DLG2: variants seen among roughly 807,000 people sequenced by gnomAD.
DLG2 encodes discs large MAGUK scaffold protein 2.
A neutral mutation model predicts 132.5 loss-of-function variants in DLG2; 45 were observed. The ratio of observed to expected loss-of-function variants is 0.34; its 90% CI spans 0.27 to 0.44. The LOEUF is 0.44. DLG2 is among the 20% of genes least tolerant of loss of function. The pLI is 1.00. For missense variants in DLG2, 1,045 were observed against 1,196.9 expected, an observed-to-expected ratio of 0.87 and a Z score of 1.87; for synonymous variants, 424 against 419.6, an observed-to-expected ratio of 1.01 and a Z score of -0.13.
intron 6 of DLG2, among the ~76,000 whole-genome samples, chr11:84,892,408 CA>C (rs34562458): frequency 6.6e-6 from 1 of 150,868 alleles, no homozygotes; most frequent in Admixed American, 6.6e-5. Flanking sequence ...AGCTCTATGG[CA>C]AAAAAAAGGC....
chr11:84,322,072 C>A (rs1195153264), intron 7 of DLG2, among the ~76,000 whole-genome samples: 2 of 152,210 alleles, frequency 1.3e-5, no homozygotes, highest in Non-Finnish European at 2.9e-5. Context: ...CTCTTATTTG[C>A]AACTGCATCC....
rs867557481 is a variant in DLG2, at chr11:84,903,928, T to A, written c.357+207733A>T. On this transcript the variant is annotated intron_variant, in intron 6 of 27. Coordinates refer to ENST00000376104, the MANE Select transcript of DLG2 (RefSeq NM_001142699.3). Reference sequence around the variant, plus strand: ...AAAGTTTTACAGATAAATGAAAAAATTTCCAGTTTTTTCAATAACATGATG... The same window carrying A: ...AAAGTTTTACAGATAAATGAAAAAAATTCCAGTTTTTTCAATAACATGATG... Among the ~76,000 whole-genome samples, 77 of 152,020 alleles carry A rather than the reference T, an allele frequency of 5.1e-4. 1 individual carries two copies. In the Middle Eastern group the frequency reaches 0.017, roughly 34 times the overall value.
chr11:84,199,817 G>T (rs992027375), intron 8 of DLG2, among the ~76,000 whole-genome samples: 1 of 152,004 alleles, frequency 6.6e-6, no homozygotes, highest in African/African-American at 2.4e-5. Context: ...ACAATATCAA[G>T]TGGTCTAACA....
chr11:83,792,921 T>C (rs1250551199), intron 17 of DLG2, among the ~76,000 whole-genome samples: 2 of 152,174 alleles, frequency 1.3e-5, no homozygotes, highest in African/African-American at 4.8e-5. Context: ...TATACGATTT[T>C]CAACTTCCTC....
At chr11:84,318,677 A>G (rs1414013782) in intron 7 of DLG2, among the ~76,000 whole-genome samples, 2 of 152,230 alleles carry the variant, frequency 1.3e-5, no homozygotes, top group East Asian at 3.8e-4. Flanking sequence ...ATGTATCTCC[A>G]TATAAGGGTA....
chr11:84,386,053 G>A (rs2098768695), intron 7 of DLG2, among the ~76,000 whole-genome samples: 1 of 151,970 alleles, frequency 6.6e-6, no homozygotes, highest in African/African-American at 2.4e-5. Flanking sequence ...CCAATTTAGG[G>A]ATTTTTTACA....
intron 6 of DLG2, among the ~76,000 whole-genome samples, chr11:84,642,203 C>G (rs1363545048): frequency 6.7e-6 from 1 of 149,588 alleles, no homozygotes; most frequent in East Asian, 2.0e-4. Flanking sequence ...ATTACCAAAC[C>G]TTACTCCTAA....
chr11:85,497,353 A>G (rs1345600272), intron 3 of DLG2, among the ~76,000 whole-genome samples: 1 of 151,580 alleles, frequency 6.6e-6, no homozygotes, highest in African/African-American at 2.4e-5. Flanking sequence ...ACTCATTGAA[A>G]AAAACAAGGA....
chr11:83,848,152 A>T (rs1293637239), intron 16 of DLG2, among the ~76,000 whole-genome samples: 3 of 138,142 alleles, frequency 2.2e-5, no homozygotes, highest in African/African-American at 8.3e-5. Context: ...TAATCACGGC[A>T]TCTTGTAAGG....
intron 2 of DLG2, among the ~76,000 whole-genome samples, chr11:85,603,694 T>C (rs2080321140): frequency 6.6e-6 from 1 of 152,086 alleles, no homozygotes; most frequent in African/African-American, 2.4e-5. Context: ...GGTGGAAGGA[T>C]GGCTTGAGAC....
intron 6 of DLG2, among the ~76,000 whole-genome samples, chr11:84,939,052 A>G (rs1184020480): frequency 6.6e-6 from 1 of 152,138 alleles, no homozygotes; most frequent in Admixed American, 6.5e-5. Flanking sequence ...AAGATAAAAC[A>G]ATATGATTAT....
intron 18 of DLG2, among the ~76,000 whole-genome samples, chr11:83,715,580 A>AT (rs1205858075): frequency 1.3e-5 from 2 of 152,072 alleles, no homozygotes; most frequent in African/African-American, 2.4e-5. Flanking sequence ...GAGAGATGTG[A>AT]TTTTTTTCTA....
At chr11:85,033,663 T>G (rs919091173) in intron 6 of DLG2, among the ~76,000 whole-genome samples, 1 of 152,214 alleles carries the variant, frequency 6.6e-6, no homozygotes, top group Non-Finnish European at 1.5e-5. Flanking sequence ...TCATAATTGT[T>G]TGACCTTGGC....
intron 5 of DLG2, among the ~76,000 whole-genome samples, chr11:85,135,122 G>T (rs746296114): frequency 1.3e-5 from 2 of 152,114 alleles, no homozygotes; most frequent in Non-Finnish European, 2.9e-5. Context: ...ATGTACCAGC[G>T]TGTTTCCCTG....
Position 84,746,267 on chromosome 11 carries a change from A to C in DLG2, c.358-211536T>G, listed in dbSNP as rs944849824. 4.0e-5 allele frequency among the ~76,000 whole-genome samples: 6 copies of C among 151,632 alleles called. No homozygotes were observed. The East Asian group carries it at 5.8e-4, about 15-fold the overall frequency. Reference sequence around the variant, plus strand: ...ATATGAAAAGAAAAAAAAAAAAAAGAAAAGAAAAGATCAGCCATTCTATTT... The same window carrying C: ...ATATGAAAAGAAAAAAAAAAAAAAGCAAAGAAAAGATCAGCCATTCTATTT... On this transcript the variant is annotated intron_variant, in intron 6 of 27. Coordinates refer to ENST00000376104, the MANE Select transcript of DLG2 (RefSeq NM_001142699.3).
At chr11:85,261,820 A>G (rs2076957434) in intron 4 of DLG2, among the ~76,000 whole-genome samples, 1 of 152,090 alleles carries the variant, frequency 6.6e-6, no homozygotes, top group African/African-American at 2.4e-5. Context: ...GGTCCCTGAT[A>G]AGGAGGCGGC....
chr11:84,777,041 C>T (rs1178149075), intron 6 of DLG2, among the ~76,000 whole-genome samples: 2 of 151,768 alleles, frequency 1.3e-5, no homozygotes, highest in African/African-American at 4.8e-5. Context: ...TCATCCAGCT[C>T]TCTCACTTCC....
At chr11:84,836,391 A>G (rs2154001829) in intron 6 of DLG2, among the ~76,000 whole-genome samples, 1 of 151,868 alleles carries the variant, frequency 6.6e-6, no homozygotes, top group East Asian at 2.0e-4. Flanking sequence ...TAGACAAGGA[A>G]TAGTATCCAG....
chr11:85,270,245 G>T (rs1472979876), intron 4 of DLG2, among the ~76,000 whole-genome samples: 4 of 152,152 alleles, frequency 2.6e-5, no homozygotes, highest in Non-Finnish European at 4.4e-5. Flanking sequence ...TCATGATAGT[G>T]AATAAGTCTC....
Sources: allele counts gnomAD v4.1 joint callset (sites outside exome capture counted in the v4.1 genomes callset), GRCh38; gene constraint gnomAD v4.1.1; transcripts MANE v1.5; gene names NCBI Gene and HGNC (gene_info 2026-07-23, HGNC 2026-07-21).